DPF3: variants seen among roughly 807,000 people sequenced by gnomAD.
The protein encoded by DPF3 is double PHD fingers 3, also known as zinc finger protein DPF3.
DPF3 carries 18 observed loss-of-function variants against 56.8 expected under a neutral mutation model. The ratio of observed to expected loss-of-function variants is 0.32; its 90% CI spans 0.22 to 0.47. DPF3 has a LOEUF of 0.47. Among genes scored for constraint, DPF3 ranks in the 20% least tolerant of loss-of-function variants. The pLI, the probability that DPF3 is intolerant of heterozygous loss-of-function variation, is 1.00. For missense variants in DPF3, 403 were observed against 488.8 expected (o/e 0.82, Z 1.65); for synonymous variants, 188 against 180.2 (o/e 1.04, Z -0.35).
intron 8 of DPF3, among the ~76,000 whole-genome samples, chr14:72,671,987 A>G (rs1436871670): frequency 6.6e-6 from 1 of 151,874 alleles, no homozygotes; most frequent in Non-Finnish European, 1.5e-5. Flanking sequence ...ACAGGAGGAA[A>G]TTTCTGTGAT....
chr14:72,823,881 G>A (rs942494203), intron 1 of DPF3, among the ~76,000 whole-genome samples: 29 of 152,190 alleles, frequency 1.9e-4, no homozygotes. Flanking sequence ...TATGCTTAGG[G>A]AGCTCAGAAA....
At chr14:72,846,967 A>G (rs1884786436) in intron 1 of DPF3, among the ~76,000 whole-genome samples, 1 of 152,188 alleles carries the variant, frequency 6.6e-6, no homozygotes, top group Non-Finnish European at 1.5e-5. Context: ...GGCCTGGTTA[A>G]TCTTCATTAA....
At chr14:72,763,575 T>C (rs1891145937) in intron 2 of DPF3, among the ~76,000 whole-genome samples, 1 of 152,096 alleles carries the variant, frequency 6.6e-6, no homozygotes, top group Non-Finnish European at 1.5e-5. Context: ...TTGTACCATA[T>C]ACAAAATTAA....
chr14:72,692,826 A>G (rs1599362026), intron 7 of DPF3, among the ~76,000 whole-genome samples: 1 of 151,788 alleles, frequency 6.6e-6, no homozygotes, highest in Non-Finnish European at 1.5e-5. Context: ...TCTGCTTAAC[A>G]CTCACCTTCC....
rs560059159 is a variant in DPF3, at chr14:72,781,807, G to A, written c.33-9914C>T. Among the ~76,000 whole-genome samples the A allele has an allele frequency of 2.4e-4, 37 of 152,282 alleles. 1 individual carries two copies. Among genetic ancestry groups the A allele is most frequent in the South Asian group, 2.1e-4 (1 of 4,812 alleles). ...TTTGCCTTTCAAATGGCATCCAGAC[G>A]TGACCAAATAAATCTCTCCTCTGGA... On this transcript the variant is annotated intron_variant, in intron 1 of 10. Coordinates refer to ENST00000556509, the MANE Select transcript of DPF3 (RefSeq NM_001280542.3).
At chr14:72,855,713 G>A (rs1209497666) in intron 1 of DPF3, among the ~76,000 whole-genome samples, 1 of 152,098 alleles carries the variant, frequency 6.6e-6, no homozygotes, top group Non-Finnish European at 1.5e-5. Flanking sequence ...GGGGATGGTG[G>A]GGGAGGCAAA....
At chr14:72,693,264 T>C in intron 6 of DPF3, 51 bp from the exon 7 acceptor site, 2 of 1,582,438 alleles carry the variant, frequency 1.3e-6, no homozygotes, top group Admixed American at 1.8e-5. Context: ...TAGCAACCTG[T>C]GCAGCCACCG....
chr14:72,781,440 A>G (rs1361017474), intron 1 of DPF3, among the ~76,000 whole-genome samples: 1 of 152,156 alleles, frequency 6.6e-6, no homozygotes, highest in Non-Finnish European at 1.5e-5. Flanking sequence ...AACATCCATC[A>G]TGACTTCGAT....
At chr14:72,732,674 G>C (rs926666895) in intron 3 of DPF3, among the ~76,000 whole-genome samples, 1 of 152,134 alleles carries the variant, frequency 6.6e-6, no homozygotes, top group African/African-American at 2.4e-5. Context: ...CTTGAGAAGA[G>C]AAGCCCTGGG....
At chr14:72,702,680 G>A (rs779402513) in intron 6 of DPF3, among the ~76,000 whole-genome samples, 5 of 152,304 alleles carry the variant, frequency 3.3e-5, no homozygotes, top group Middle Eastern at 3.4e-3. Context: ...CCCCCGAGCA[G>A]GGAGAAGCCC....
chr14:72,799,042 C>T (rs1165458662), intron 1 of DPF3, among the ~76,000 whole-genome samples: 1 of 152,162 alleles, frequency 6.6e-6, no homozygotes, highest in Non-Finnish European at 1.5e-5. Context: ...TTCTCCCCAT[C>T]CCATGAATGA....
chr14:72,752,275 G>C (rs897459850), intron 3 of DPF3, among the ~76,000 whole-genome samples: 1 of 152,122 alleles, frequency 6.6e-6, no homozygotes, highest in Admixed American at 6.6e-5. Context: ...CAAAAACAAA[G>C]ATGCGTTTAA....
intron 6 of DPF3, among the ~76,000 whole-genome samples, chr14:72,702,651 G>A (rs1043031112): frequency 5.3e-5 from 8 of 152,134 alleles, no homozygotes; most frequent in African/African-American, 1.9e-4. Context: ...GGGGGATGGA[G>A]GCATTCCTAC....
chr14:72,617,066 T>C lies in DPF3; in HGVS notation c.*2231A>G, dbSNP rs773303730. ...CCAGTGCAGGCAAGTTCCAGTGCCCTGCCTTGGCCTGGGAGACCCAGCTGA... is the reference window on the plus strand; with the variant it reads ...CCAGTGCAGGCAAGTTCCAGTGCCCCGCCTTGGCCTGGGAGACCCAGCTGA... On this transcript the variant is annotated 3_prime_UTR_variant, in exon 11 of 11. Coordinates refer to ENST00000556509, the MANE Select transcript of DPF3 (RefSeq NM_001280542.3). 2.0e-5 allele frequency among the ~76,000 whole-genome samples: 3 copies of C among 152,184 alleles called. No homozygotes were observed. Among genetic ancestry groups the C allele is most frequent in the Non-Finnish European group, 4.4e-5 (3 of 68,038 alleles).
intron 2 of DPF3, among the ~76,000 whole-genome samples, chr14:72,757,757 G>T (rs550301670): frequency 6.6e-6 from 1 of 152,120 alleles, no homozygotes; most frequent in African/African-American, 2.4e-5. Context: ...CAAATACTAT[G>T]CCATTTTATA....
At chr14:72,767,416 C>T (rs1306371955) in intron 2 of DPF3, among the ~76,000 whole-genome samples, 1 of 151,952 alleles carries the variant, frequency 6.6e-6, no homozygotes, top group Non-Finnish European at 1.5e-5. Context: ...ACACATAAAA[C>T]ACATTCAGCA....
intron 9 of DPF3, among the ~76,000 whole-genome samples, chr14:72,620,500 C>T (rs917485982): frequency 5.3e-5 from 8 of 152,206 alleles, no homozygotes; most frequent in East Asian, 1.9e-4. Context: ...CGCCATCCCT[C>T]GGCTTCCAGA....
chr14:72,845,942 T>G (rs1174517855), intron 1 of DPF3, among the ~76,000 whole-genome samples: 2 of 152,018 alleles, frequency 1.3e-5, no homozygotes, highest in Non-Finnish European at 2.9e-5. Context: ...ATTTTTACAT[T>G]TTTCTCCTCT....
intron 1 of DPF3, chr14:72,773,922 G>T: frequency 6.6e-6 from 3 of 455,468 alleles, no homozygotes; most frequent in Non-Finnish European, 8.8e-6. Context: ...GGATATCTGG[G>T]TTGCTTCCAC....
Sources: gnomAD v4.1 joint callset for allele counts (sites outside exome capture counted in the v4.1 genomes callset) on GRCh38, gnomAD v4.1.1 for gene constraint, MANE v1.5 for transcripts, NCBI Gene and HGNC (gene_info 2026-07-23, HGNC 2026-07-21) for gene names.